Variants in AJAP1 observed in about 807,000 individuals in gnomAD.
AJAP1 encodes adherens junctions associated protein 1.
A neutral mutation model predicts 35.0 loss-of-function variants in AJAP1; 5 were observed. The ratio of observed to expected loss-of-function variants is 0.14; its 90% CI spans 0.07 to 0.30. AJAP1 has a LOEUF of 0.30. Among genes scored for constraint, AJAP1 ranks in the 10% least tolerant of loss-of-function variants. The pLI is 1.00. For missense variants in AJAP1, 586 were observed against 571.0 expected, an observed-to-expected ratio of 1.03 and a Z score of -0.27; for synonymous variants, 284 against 249.3, an observed-to-expected ratio of 1.14 and a Z score of -1.31.
intron 1 of AJAP1, among the ~76,000 whole-genome samples, chr1:4,700,471 C>G (rs982603571): frequency 6.6e-6 from 1 of 152,180 alleles, no homozygotes. Flanking sequence ...GGCTGAGAAC[C>G]TCTCCTTGGC....
chr1:4,724,956 C>T (rs1640614706), intron 2 of AJAP1, among the ~76,000 whole-genome samples: 1 of 152,222 alleles, frequency 6.6e-6, no homozygotes. Flanking sequence ...TTGCTGCAGA[C>T]ACAAAGCAAG....
intron 4 of AJAP1, among the ~76,000 whole-genome samples, chr1:4,773,134 T>C (rs1369515901): frequency 6.6e-6 from 1 of 152,138 alleles, no homozygotes; most frequent in African/African-American, 2.4e-5. Flanking sequence ...AAAGTATCAA[T>C]AAGCTTTTTT....
At chr1:4,702,075 C>T (rs1163016767) in intron 1 of AJAP1, among the ~76,000 whole-genome samples, 1 of 152,186 alleles carries the variant, frequency 6.6e-6, no homozygotes, top group Non-Finnish European at 1.5e-5. Context: ...TAACGTGTCC[C>T]CAGTGTTCTC....
At chr1:4,756,602 T>C (rs965213557) in intron 2 of AJAP1, among the ~76,000 whole-genome samples, 3 of 152,232 alleles carry the variant, frequency 2.0e-5, no homozygotes, top group Non-Finnish European at 2.9e-5. Context: ...GGCTCCCTCC[T>C]GTCTCTGAGA....
chr1:4,668,472 A>T (rs958668307), intron 1 of AJAP1, among the ~76,000 whole-genome samples: 2 of 152,200 alleles, frequency 1.3e-5, no homozygotes. Flanking sequence ...AAAGCTGTTT[A>T]AAAATGTAAT....
chr1:4,712,387 C>T lies in AJAP1; in HGVS notation c.517C>T (p.Arg173Trp), dbSNP rs563247718. 98 of 1,556,294 alleles carry T rather than the reference C, an allele frequency of 6.3e-5. No homozygotes were observed. In the South Asian group the frequency reaches 1.1e-3, roughly 17 times the overall value. Residue 173 changes from arginine (R) to tryptophan (W), a missense_variant, in exon 2 of 6, where the codon CGG becomes TGG. By Grantham distance (101) the Arg-to-Trp change is moderately radical. Transcript: ENST00000378191. ...CAGCAGCTTCGACTCCAGAGGCAGC[C>T]GGCCCACCACAGAGACTGAGTTCAT... is the stretch of plus-strand genomic sequence containing the variant. The part of the protein sequence containing the change: ...GLSSFDSRGS[R>W]PTTETEFIAW...
chr1:4,712,245 A>G lies in AJAP1; in HGVS notation c.375A>G (p.Lys125=). The G allele has an allele frequency of 6.5e-7, 1 of 1,530,940 alleles. No homozygotes were observed. Among genetic ancestry groups the G allele is most frequent in the Non-Finnish European group, 8.7e-7 (1 of 1,146,322 alleles). The allele number at this position is 1,530,940 out of a possible 1,614,324, so 94.8% of individuals were successfully genotyped here. Residue 125 remains lysine, a synonymous_variant, in exon 2 of 6, where the codon AAA becomes AAG. Coordinates refer to ENST00000378191, the MANE Select transcript of AJAP1 (RefSeq NM_018836.4). ...AGLAKPPAAA[K]SSPSLASSSS... ...TGGCCAAGCCCCCAGCTGCTGCCAAATCCAGCCCTTCCCTCGCCTCTTCGT... is the reference window on the plus strand; with the variant it reads ...TGGCCAAGCCCCCAGCTGCTGCCAAGTCCAGCCCTTCCCTCGCCTCTTCGT...
chr1:4,750,993 G>A (rs1011741832), intron 2 of AJAP1, among the ~76,000 whole-genome samples: 11 of 151,538 alleles, frequency 7.3e-5, no homozygotes, highest in Non-Finnish European at 1.6e-4. Context: ...GAGACTCTGA[G>A]TGGTCAGATG....
chr1:4,744,860 G>A (rs1234958943), intron 2 of AJAP1, among the ~76,000 whole-genome samples: 2 of 152,148 alleles, frequency 1.3e-5, no homozygotes, highest in African/African-American at 4.8e-5. Context: ...TGTTAAGTGT[G>A]ACAGACAAGC....
intron 5 of AJAP1, among the ~76,000 whole-genome samples, chr1:4,775,430 G>T (rs555410902): frequency 6.6e-6 from 1 of 152,232 alleles, no homozygotes; most frequent in South Asian, 2.1e-4. Flanking sequence ...GTAGGGAGCC[G>T]TATTTCTAGG....
At chr1:4,724,911 A>T (rs151075707) in intron 2 of AJAP1, among the ~76,000 whole-genome samples, 60 of 152,326 alleles carry the variant, frequency 3.9e-4, no homozygotes, top group Admixed American at 2.0e-3. Context: ...CCCACACTGG[A>T]GGGAGGTACA....
chr1:4,688,952 C>A (rs762709301), intron 1 of AJAP1, among the ~76,000 whole-genome samples: 1 of 152,116 alleles, frequency 6.6e-6, no homozygotes, highest in African/African-American at 2.4e-5. Flanking sequence ...AGCCACCCTG[C>A]CCTGCTCACT....
intron 2 of AJAP1, among the ~76,000 whole-genome samples, chr1:4,744,272 G>A (rs1017119883): frequency 1.3e-5 from 2 of 152,208 alleles, no homozygotes; most frequent in Admixed American, 6.5e-5. Flanking sequence ...AGCCTCACAC[G>A]GAACCCTCCG....
At chr1:4,709,464 G>A (rs1640177278) in intron 1 of AJAP1, among the ~76,000 whole-genome samples, 1 of 151,678 alleles carries the variant, frequency 6.6e-6, no homozygotes, top group Non-Finnish European at 1.5e-5. Flanking sequence ...AGAGTCTGGT[G>A]AGGCCTGGTG....
intron 5 of AJAP1, among the ~76,000 whole-genome samples, chr1:4,781,463 G>A (rs996452384): frequency 7.9e-5 from 12 of 152,210 alleles, no homozygotes; most frequent in Admixed American, 5.2e-4. Flanking sequence ...TGACGGAGCC[G>A]GTCTGGCCGC....
At chr1:4,769,521 A>T (rs1217240690) in intron 2 of AJAP1, among the ~76,000 whole-genome samples, 2 of 152,130 alleles carry the variant, frequency 1.3e-5, no homozygotes, top group Non-Finnish European at 2.9e-5. Context: ...CAGGTAGAGG[A>T]GGCAGGTGAA....
chr1:4,671,978 AG>A (rs1169073965), intron 1 of AJAP1, among the ~76,000 whole-genome samples: 1 of 152,184 alleles, frequency 6.6e-6, no homozygotes, highest in East Asian at 1.9e-4. Flanking sequence ...CTTATCTCAC[AG>A]GGCCCTGCAG....
At position 4,723,713 on chromosome 1, in the gene AJAP1, G is replaced by A. The variant is rs1640579457; in HGVS notation, c.829+11014G>A. 6.6e-6 allele frequency among the ~76,000 whole-genome samples: 1 copy of A among 152,192 alleles called. No individual in the cohort carries two copies. The highest frequency in any genetic ancestry group is 2.4e-5 in the African/African-American group (1 of 41,448). On this transcript the variant is annotated intron_variant, in intron 2 of 5. Coordinates refer to ENST00000378191, the MANE Select transcript of AJAP1 (RefSeq NM_018836.4). This position sits in a 1 kb window ranked among gnomAD's most constrained non-coding sequence, Gnocchi z 4.3. ...ATTTTGAGGAGCTTTGCTCTGCAGG[G>A]GTTTGGGGAAAGGGAAGCTGTAGTT...
intron 2 of AJAP1, among the ~76,000 whole-genome samples, chr1:4,713,215 G>A (rs1409123270): frequency 2.6e-5 from 4 of 152,232 alleles, no homozygotes; most frequent in African/African-American, 9.6e-5. Context: ...TAGAGGATTA[G>A]GAATGGCCTT....
Sources: allele counts gnomAD v4.1 joint callset (sites outside exome capture counted in the v4.1 genomes callset), GRCh38; gene constraint gnomAD v4.1.1; non-coding constraint Gnocchi (gnomAD v3.1); transcripts MANE v1.5; gene names NCBI Gene and HGNC (gene_info 2026-07-23, HGNC 2026-07-21).